CDKAL1: variants seen among roughly 807,000 people sequenced by gnomAD.
CDKAL1 encodes the protein threonylcarbamoyladenosine tRNA methylthiotransferase.
Under a neutral mutation model 68.2 loss-of-function variants are expected in CDKAL1, and 32 were observed. That is an observed-to-expected ratio of 0.47 (90% confidence interval 0.35 to 0.63). CDKAL1 has a LOEUF of 0.63. CDKAL1 is among the 30% of genes least tolerant of loss of function. The pLI is 0.00. For missense variants in CDKAL1, 606 were observed against 696.7 expected, an observed-to-expected ratio of 0.87 and a Z score of 1.47; for synonymous variants, 234 against 244.3, an observed-to-expected ratio of 0.96 and a Z score of 0.39.
chr6:21,101,510 G>T (rs1773575733), intron 12 of CDKAL1, among the ~76,000 whole-genome samples: 1 of 152,120 alleles, frequency 6.6e-6, no homozygotes, highest in Non-Finnish European at 1.5e-5. Context: ...GCTATTGTTT[G>T]CTAGGATTTT....
At chr6:20,601,298 C>T (rs1766086558) in intron 4 of CDKAL1, among the ~76,000 whole-genome samples, 1 of 152,044 alleles carries the variant, frequency 6.6e-6, no homozygotes, top group South Asian at 2.1e-4. Flanking sequence ...GGCAGCACAA[C>T]TTGGTGTCCA....
chr6:20,572,873 TA>T (rs1326484760), intron 4 of CDKAL1, among the ~76,000 whole-genome samples: 6 of 152,186 alleles, frequency 3.9e-5, no homozygotes, highest in African/African-American at 1.2e-4. Context: ...AGTAGTAGTT[TA>T]AAAAAAGAAA....
At chr6:20,842,420 C>T (rs1778210148) in intron 8 of CDKAL1, among the ~76,000 whole-genome samples, 1 of 151,998 alleles carries the variant, frequency 6.6e-6, no homozygotes, top group Non-Finnish European at 1.5e-5. Context: ...AACATACAAG[C>T]AGTCAAAAAA....
intron 13 of CDKAL1, among the ~76,000 whole-genome samples, chr6:21,111,341 C>A: frequency 6.6e-6 from 1 of 152,308 alleles, no homozygotes; most frequent in Middle Eastern, 3.4e-3. Context: ...AAATTTCCTT[C>A]GGGTTTCATC....
At chr6:21,220,676 G>T (rs547934822) in intron 15 of CDKAL1, among the ~76,000 whole-genome samples, 1 of 152,310 alleles carries the variant, frequency 6.6e-6, no homozygotes, top group Admixed American at 6.5e-5. Context: ...GTGAATATTT[G>T]TTACTAAGCC....
intron 7 of CDKAL1, among the ~76,000 whole-genome samples, chr6:20,766,791 G>A (rs553351480): frequency 3.3e-5 from 5 of 151,792 alleles, no homozygotes; most frequent in Admixed American, 6.6e-5. Context: ...CAGGGTTCTC[G>A]TTTCTCAACC....
chr6:20,777,244 G>A (rs1775209931), intron 7 of CDKAL1, among the ~76,000 whole-genome samples: 2 of 152,200 alleles, frequency 1.3e-5, no homozygotes, highest in South Asian at 4.1e-4. Context: ...TGATAACTTG[G>A]ATTCCAAGGA....
chr6:20,926,202 C>G (rs916576820), intron 9 of CDKAL1, among the ~76,000 whole-genome samples: 2 of 152,070 alleles, frequency 1.3e-5, no homozygotes, highest in Non-Finnish European at 2.9e-5. Context: ...AAAAATCTAA[C>G]TATATGGTAT....
rs75231844 is a variant in CDKAL1 at position 20,716,840 on chromosome 6, A to G, written c.372-22679A>G. Among the ~76,000 whole-genome samples, 29 of 152,082 alleles carry G rather than the reference A, an allele frequency of 1.9e-4. No individual in the cohort carries two copies. The East Asian group carries it at 2.9e-3, about 15-fold the overall frequency. On this transcript the variant is annotated intron_variant, in intron 5 of 15. Transcript: ENST00000274695. The stretch of plus-strand genomic sequence containing the variant: ...TGTGCTGTAGATGGTGTGTAAATCC[A>G]TGGGACTGCAGAAGATCACCCAGAG...
At chr6:20,738,485 GTTTTTTTTT>G (rs71712438) in intron 5 of CDKAL1, among the ~76,000 whole-genome samples, 1 of 119,648 alleles carries the variant, frequency 8.4e-6, no homozygotes, top group African/African-American at 3.2e-5. Context: ...CTACTTCTTA[GTTTTTTTTT>G]TTTTTTTTTT....
At chr6:20,769,350 C>A (rs1774839206) in intron 7 of CDKAL1, among the ~76,000 whole-genome samples, 1 of 150,478 alleles carries the variant, frequency 6.6e-6, no homozygotes, top group South Asian at 2.1e-4. Flanking sequence ...CCTCCACCTC[C>A]CAGGTTCAAG....
At chr6:20,626,377 A>C (rs1443294914) in intron 4 of CDKAL1, among the ~76,000 whole-genome samples, 2 of 152,188 alleles carry the variant, frequency 1.3e-5, no homozygotes, top group Non-Finnish European at 2.9e-5. Context: ...AGGTACTCAA[A>C]AATACATGTT....
intron 6 of CDKAL1, among the ~76,000 whole-genome samples, chr6:20,745,688 A>G (rs187349974): frequency 2.4e-4 from 36 of 152,264 alleles, no homozygotes; most frequent in Admixed American, 5.2e-4. Flanking sequence ...GCTGATCTCA[A>G]ATTCTCGGCT....
chr6:20,757,718 G>A (rs1774284155), intron 6 of CDKAL1, among the ~76,000 whole-genome samples: 1 of 152,082 alleles, frequency 6.6e-6, no homozygotes, highest in Non-Finnish European at 1.5e-5. Context: ...AAGATGTTAT[G>A]ATTTCTTTCA....
At chr6:21,079,772 C>T (rs1023276741) in intron 12 of CDKAL1, among the ~76,000 whole-genome samples, 5 of 152,208 alleles carry the variant, frequency 3.3e-5, no homozygotes, top group African/African-American at 4.8e-5. Context: ...CAGGCCCAAC[C>T]TCTTCTACTC....
intron 6 of CDKAL1, among the ~76,000 whole-genome samples, chr6:20,754,588 G>A (rs1190598314): frequency 6.6e-6 from 1 of 152,142 alleles, no homozygotes; most frequent in Non-Finnish European, 1.5e-5. Context: ...TTGGCCATAA[G>A]TATATTTTCC....
intron 6 of CDKAL1, among the ~76,000 whole-genome samples, chr6:20,744,467 G>A (rs774259744): frequency 5.9e-5 from 9 of 152,054 alleles, no homozygotes; most frequent in East Asian, 5.8e-4. Context: ...ATATAAAATC[G>A]TCCCAGATCC....
chr6:21,042,288 A>G (rs1769971069), intron 11 of CDKAL1, among the ~76,000 whole-genome samples: 1 of 148,970 alleles, frequency 6.7e-6, no homozygotes, highest in South Asian at 2.2e-4. Context: ...CCATACCACC[A>G]TTCACCCCTG....
At chr6:20,766,593 T>TTG (rs1187447332) in intron 7 of CDKAL1, among the ~76,000 whole-genome samples, 2 of 152,182 alleles carry the variant, frequency 1.3e-5, no homozygotes, top group African/African-American at 4.8e-5. Context: ...CTGGTAGTGT[T>TTG]TTGGCAGATT....
Sources: gnomAD v4.1 joint callset for allele counts (sites outside exome capture counted in the v4.1 genomes callset) on GRCh38, gnomAD v4.1.1 for gene constraint, MANE v1.5 for transcripts, NCBI Gene and HGNC (gene_info 2026-07-23, HGNC 2026-07-21) for gene names.